Variants in SGCZ observed in about 807,000 individuals in gnomAD.
The protein encoded by SGCZ is sarcoglycan zeta.
In SGCZ, 40 loss-of-function variants were observed where a neutral mutation model predicts 41.3. The ratio of observed to expected loss-of-function variants is 0.97; its 90% CI spans 0.75 to 1.26. The LOEUF is 1.26. Among genes scored for constraint, SGCZ ranks in the 50% most tolerant of loss-of-function variants. SGCZ has a pLI of 0.00. For missense variants in SGCZ, 552 were observed against 369.8 expected (o/e 1.49, Z -4.04); for synonymous variants, 206 against 137.5 (o/e 1.50, Z -3.49).
intron 1 of SGCZ, among the ~76,000 whole-genome samples, chr8:14,750,257 A>C (rs1160905178): frequency 6.6e-6 from 1 of 151,992 alleles, no homozygotes; most frequent in Non-Finnish European, 1.5e-5. Flanking sequence ...CTTAGGACCC[A>C]AGCAGGATTT....
intron 4 of SGCZ, among the ~76,000 whole-genome samples, chr8:14,231,557 T>C (rs1177955245): frequency 8.9e-6 from 1 of 111,768 alleles, no homozygotes; most frequent in Non-Finnish European, 1.9e-5. Context: ...TAAGTCTAGA[T>C]TTTTTTTTTC....
intron 1 of SGCZ, among the ~76,000 whole-genome samples, chr8:15,223,705 C>A (rs1029561862): frequency 1.3e-5 from 2 of 152,088 alleles, no homozygotes; most frequent in Non-Finnish European, 2.9e-5. Flanking sequence ...CATAGACAAT[C>A]CATAATCCTC....
intron 2 of SGCZ, among the ~76,000 whole-genome samples, chr8:14,447,885 A>C (rs1425475234): frequency 6.6e-6 from 1 of 152,142 alleles, no homozygotes; most frequent in Non-Finnish European, 1.5e-5. Context: ...ACAAAATCAC[A>C]TTATGAAATG....
intron 1 of SGCZ, among the ~76,000 whole-genome samples, chr8:14,745,212 T>TGC (rs1008752389): frequency 6.6e-6 from 1 of 151,870 alleles, no homozygotes; most frequent in African/African-American, 2.4e-5. Flanking sequence ...CACTACTGTG[T>TGC]GTGTGTGTGT....
intron 1 of SGCZ, among the ~76,000 whole-genome samples, chr8:15,018,695 C>T (rs901863846): frequency 6.6e-6 from 1 of 152,072 alleles, no homozygotes; most frequent in African/African-American, 2.4e-5. Context: ...ACTGAGTCAG[C>T]CTACAAAGTT....
At chr8:15,105,149 T>C (rs1385260672) in intron 1 of SGCZ, among the ~76,000 whole-genome samples, 2 of 152,224 alleles carry the variant, frequency 1.3e-5, no homozygotes, top group Non-Finnish European at 2.9e-5. Flanking sequence ...GTATTACCTT[T>C]ATCCAAAAGT....
intron 1 of SGCZ, among the ~76,000 whole-genome samples, chr8:14,670,225 T>C (rs1808060191): frequency 6.6e-6 from 1 of 152,178 alleles, no homozygotes. Context: ...ATGCTGATGA[T>C]ATGAAGTTTT....
At chr8:14,110,334 G>A (rs1018825119) in intron 5 of SGCZ, among the ~76,000 whole-genome samples, 2 of 152,000 alleles carry the variant, frequency 1.3e-5, no homozygotes, top group Non-Finnish European at 2.9e-5. Flanking sequence ...CAGATAAGGT[G>A]ACAGAAATAT....
chr8:14,136,368 C>T lies in SGCZ; in HGVS notation c.548-28133G>A, dbSNP rs1803198620. ...GGGGCATCACCTTACACAGGAAGCT[C>T]AAGGGGTCAGAGAATTCCCTTTCCT... is the stretch of plus-strand genomic sequence containing the variant. On this transcript the variant is annotated intron_variant, in intron 5 of 7. Coordinates refer to ENST00000382080, the MANE Select transcript of SGCZ (RefSeq NM_139167.4). Among the ~76,000 whole-genome samples, 3 of 152,164 alleles carry T rather than the reference C, an allele frequency of 2.0e-5. No individual in the cohort carries two copies. In the South Asian group the frequency reaches 6.2e-4, roughly 31 times the overall value.
At chr8:14,735,162 A>G (rs1464295746) in intron 1 of SGCZ, among the ~76,000 whole-genome samples, 2 of 152,204 alleles carry the variant, frequency 1.3e-5, no homozygotes, top group African/African-American at 4.8e-5. Context: ...TGCCTAGCAC[A>G]TTACTTGACC....
At chr8:14,820,553 C>T (rs1158318742) in intron 1 of SGCZ, among the ~76,000 whole-genome samples, 1 of 152,054 alleles carries the variant, frequency 6.6e-6, no homozygotes, top group African/African-American at 2.4e-5. Context: ...TTCTTCTCAA[C>T]TGCATTTGGA....
chr8:14,594,854 C>T (rs1462085948), intron 1 of SGCZ, among the ~76,000 whole-genome samples: 1 of 151,584 alleles, frequency 6.6e-6, no homozygotes, highest in East Asian at 1.9e-4. Flanking sequence ...ATTTTTTTAC[C>T]AACAATTACA....
At chr8:14,270,256 T>G (rs559274588) in intron 3 of SGCZ, among the ~76,000 whole-genome samples, 4 of 152,080 alleles carry the variant, frequency 2.6e-5, no homozygotes, top group African/African-American at 9.6e-5. Flanking sequence ...CACTAGAACC[T>G]GGGAGGCGGA....
intron 4 of SGCZ, among the ~76,000 whole-genome samples, chr8:14,216,257 C>A (rs1036977607): frequency 6.6e-6 from 1 of 152,100 alleles, no homozygotes; most frequent in African/African-American, 2.4e-5. Context: ...AATTTTCTTT[C>A]GAAGATTTGC....
At chr8:14,965,844 C>A (rs529445250) in intron 1 of SGCZ, among the ~76,000 whole-genome samples, 126 of 151,888 alleles carry the variant, frequency 8.3e-4, no homozygotes, top group African/African-American at 2.9e-3. Flanking sequence ...TACAGCAGGG[C>A]AAATCTAATA....
intron 5 of SGCZ, among the ~76,000 whole-genome samples, chr8:14,131,667 C>T (rs771939950): frequency 2.6e-5 from 4 of 152,148 alleles, no homozygotes; most frequent in East Asian, 1.9e-4. Flanking sequence ...GGCATATGCA[C>T]GTGTTTCATC....
intron 3 of SGCZ, among the ~76,000 whole-genome samples, chr8:14,247,904 G>A (rs1799161191): frequency 6.6e-6 from 1 of 152,114 alleles, no homozygotes. Context: ...GTCTTATTTT[G>A]GTGAGCAGAA....
chr8:15,128,608 G>A (rs1046108595), intron 1 of SGCZ, among the ~76,000 whole-genome samples: 1 of 152,096 alleles, frequency 6.6e-6, no homozygotes, highest in Non-Finnish European at 1.5e-5. Context: ...TCTCAGAAGC[G>A]CCCTGTGATC....
At chr8:14,723,132 G>A (rs184183929) in intron 1 of SGCZ, among the ~76,000 whole-genome samples, 3 of 152,210 alleles carry the variant, frequency 2.0e-5, no homozygotes, top group East Asian at 1.9e-4. Flanking sequence ...CAAGATGGCC[G>A]ACCAGACGCA....
Sources: allele counts gnomAD v4.1 joint callset (sites outside exome capture counted in the v4.1 genomes callset), GRCh38; gene constraint gnomAD v4.1.1; transcripts MANE v1.5; gene names NCBI Gene and HGNC (gene_info 2026-07-23, HGNC 2026-07-21).